SGPP2: variants seen among roughly 807,000 people sequenced by gnomAD.
SGPP2 encodes the protein sphingosine 1-phosphate phosphohydrolase 2.
A neutral mutation model predicts 33.9 loss-of-function variants in SGPP2; 30 were observed. The ratio of observed to expected loss-of-function variants is 0.89; its 90% confidence interval spans 0.66 to 1.20. The LOEUF is 1.20. Among genes scored for constraint, SGPP2 ranks in the 50% most tolerant of loss-of-function variants. The probability of loss-of-function intolerance (pLI) is 0.00; values close to 1 mark genes in which losing one functional copy is unlikely to be tolerated. For synonymous variants in SGPP2, 233 were observed against 225.0 expected (o/e 1.04, Z -0.32); for missense variants, 458 against 532.1 (o/e 0.86, Z 1.37).
Position 222,424,767 on chromosome 2 carries a change from C to T in SGPP2, c.165C>T (p.Asn55=), listed in dbSNP as rs1283402528. 2 of 1,402,384 alleles carry T rather than the reference C, an allele frequency of 1.4e-6. No individual in the cohort carries two copies. Among genetic ancestry groups the T allele is most frequent in the Admixed American group, 5.9e-5 (2 of 34,100 alleles). 86.9% of individuals were successfully genotyped at this position (1,402,384 alleles called of 1,614,324 possible). The change falls in exon 1 of 5, where the codon AAC becomes AAT. Residue 55 remains asparagine, a synonymous_variant. Coordinates refer to ENST00000321276, the MANE Select transcript of SGPP2 (RefSeq NM_152386.4). ...VPGVEHLPAA[N]GKGGEAPANG... Reference sequence around the variant, plus strand: ...GGGTCGAGCATCTCCCCGCAGCCAACGGCAAGGGCGGCGAGGCTCCGGCCA... The same window carrying T: ...GGGTCGAGCATCTCCCCGCAGCCAATGGCAAGGGCGGCGAGGCTCCGGCCA...
chr2:222,429,904 T>C (rs1697126698), intron 1 of SGPP2, among the ~76,000 whole-genome samples: 1 of 152,230 alleles, frequency 6.6e-6, no homozygotes, highest in African/African-American at 2.4e-5. Context: ...GTTAAACCTC[T>C]CTTTAATCTT....
chr2:222,447,143 C>T (rs1324967282), intron 1 of SGPP2, among the ~76,000 whole-genome samples: 1 of 152,186 alleles, frequency 6.6e-6, no homozygotes, highest in Non-Finnish European at 1.5e-5. Context: ...GCTGCTGTTG[C>T]TTCTGACATC....
At chr2:222,453,389 A>T (rs1697522667) in intron 1 of SGPP2, among the ~76,000 whole-genome samples, 1 of 152,202 alleles carries the variant, frequency 6.6e-6, no homozygotes, top group Non-Finnish European at 1.5e-5. Flanking sequence ...ATCTTAGAGA[A>T]ATATGACCTC....
Position 222,476,962 on chromosome 2 carries a change from G to C in SGPP2, c.378+2236G>C, listed in dbSNP as rs1697946178. ...AGGTGTGTATGTATGTATGTATAGTGTGTATATGTGTATATATAGGTGTGT... is the reference window on the plus strand; with the variant it reads ...AGGTGTGTATGTATGTATGTATAGTCTGTATATGTGTATATATAGGTGTGT... On this transcript the variant is annotated intron_variant, in intron 2 of 4. Transcript: ENST00000321276. The surrounding 1 kb of genome is among the most constrained non-coding windows in gnomAD (Gnocchi z 4.3). Among the ~76,000 whole-genome samples, 1 of 151,596 alleles carries C rather than the reference G, an allele frequency of 6.6e-6. No homozygotes were observed. The highest frequency in any genetic ancestry group is 2.4e-5 in the African/African-American group (1 of 41,190).
At chr2:222,427,443 G>T (rs1184788971) in intron 1 of SGPP2, among the ~76,000 whole-genome samples, 1 of 151,830 alleles carries the variant, frequency 6.6e-6, no homozygotes, top group Non-Finnish European at 1.5e-5. Flanking sequence ...TGTTGTTGTT[G>T]TTATTGTTGT....
chr2:222,503,262 G>T (rs1865894), intron 2 of SGPP2, among the ~76,000 whole-genome samples: 1 of 152,094 alleles, frequency 6.6e-6, no homozygotes, highest in African/African-American at 2.4e-5. Flanking sequence ...AAAGTCCTTC[G>T]GTTGTAGCTA....
chr2:222,502,423 T>C (rs1698381303), intron 2 of SGPP2, among the ~76,000 whole-genome samples: 2 of 152,232 alleles, frequency 1.3e-5, no homozygotes, highest in South Asian at 4.1e-4. Flanking sequence ...CAGAAGTGTT[T>C]TGGTTTTCAA....
chr2:222,515,155 C>T (rs997907424), intron 2 of SGPP2, among the ~76,000 whole-genome samples: 4 of 152,042 alleles, frequency 2.6e-5, no homozygotes, highest in Admixed American at 1.3e-4. Flanking sequence ...TTGATGTCCT[C>T]ATCCCCACTC....
intron 2 of SGPP2, among the ~76,000 whole-genome samples, chr2:222,502,484 A>G (rs1428482471): frequency 1.3e-5 from 2 of 152,236 alleles, no homozygotes; most frequent in African/African-American, 2.4e-5. Context: ...TGCATTTAGC[A>G]TTCCTAATCT....
At chr2:222,492,097 G>A (rs1307606136) in intron 2 of SGPP2, among the ~76,000 whole-genome samples, 1 of 152,140 alleles carries the variant, frequency 6.6e-6, no homozygotes, top group Non-Finnish European at 1.5e-5. Flanking sequence ...GGCATTGAGT[G>A]CCTGCAGCTT....
chr2:222,474,654 C>T lies in SGPP2; in HGVS notation c.306C>T (p.Tyr102=), dbSNP rs750388198. The T allele has an allele frequency of 8.7e-6, 14 of 1,613,754 alleles. No individual in the cohort carries two copies. The highest frequency in any genetic ancestry group is 1.1e-5 in the Non-Finnish European group (13 of 1,179,794). The part of the protein sequence containing the change: ...FSAALGQEVF[Y]ITFLPFTHWN... ...CTGCTTTGGGCCAAGAAGTGTTCTACATCACGTTTCTTCCATTCACTCACT... is the reference window on the plus strand; with the variant it reads ...CTGCTTTGGGCCAAGAAGTGTTCTATATCACGTTTCTTCCATTCACTCACT... Residue 102 remains tyrosine, a synonymous_variant, in exon 2 of 5, where the codon TAC becomes TAT. Transcript: ENST00000321276.
chr2:222,428,785 C>CTTTTTTT (rs58239129), intron 1 of SGPP2, among the ~76,000 whole-genome samples: 3 of 75,340 alleles, frequency 4.0e-5, no homozygotes, highest in African/African-American at 5.1e-5. Context: ...ACATGGTTTT[C>CTTTTTTT]TTTTTTTTTT....
intron 1 of SGPP2, among the ~76,000 whole-genome samples, chr2:222,436,937 C>A (rs575473571): frequency 6.6e-6 from 1 of 152,168 alleles, no homozygotes; most frequent in Non-Finnish European, 1.5e-5. Flanking sequence ...AGTGGAAGTC[C>A]GTGTTCCTGG....
intron 3 of SGPP2, among the ~76,000 whole-genome samples, chr2:222,524,715 T>C (rs1698731110): frequency 2.0e-5 from 3 of 152,174 alleles, no homozygotes; most frequent in South Asian, 4.1e-4. Flanking sequence ...TGCATGCTTA[T>C]ATGTTGTGAA....
intron 2 of SGPP2, among the ~76,000 whole-genome samples, chr2:222,498,627 G>C (rs2106116212): frequency 6.6e-6 from 1 of 152,084 alleles, no homozygotes; most frequent in African/African-American, 2.4e-5. Context: ...GCCAGATACT[G>C]TTCCAGACTC....
intron 1 of SGPP2, among the ~76,000 whole-genome samples, chr2:222,447,502 A>G (rs954286812): frequency 2.6e-5 from 4 of 152,200 alleles, no homozygotes; most frequent in African/African-American, 9.7e-5. Context: ...TTGTTGGGGC[A>G]GTAAAGAACC....
intron 2 of SGPP2, among the ~76,000 whole-genome samples, chr2:222,497,099 T>G (rs1698292438): frequency 6.6e-6 from 1 of 152,162 alleles, no homozygotes; most frequent in Non-Finnish European, 1.5e-5. Flanking sequence ...TTAGCCCTGA[T>G]GGAAAGTTGG....
At chr2:222,448,592 G>GAAA (rs1559146588) in intron 1 of SGPP2, among the ~76,000 whole-genome samples, 10 of 152,202 alleles carry the variant, frequency 6.6e-5, no homozygotes, top group Non-Finnish European at 1.5e-4. Context: ...CTTAATAAGC[G>GAAA]CTGTGTTGTT....
intron 2 of SGPP2, among the ~76,000 whole-genome samples, chr2:222,520,745 A>AT (rs1574874950): frequency 6.7e-6 from 1 of 149,852 alleles, no homozygotes; most frequent in Non-Finnish European, 1.5e-5. Flanking sequence ...AAAAAAAAAA[A>AT]CCCTCCATAT....
Sources: allele counts gnomAD v4.1 joint callset (sites outside exome capture counted in the v4.1 genomes callset), GRCh38; gene constraint gnomAD v4.1.1; non-coding constraint Gnocchi (gnomAD v3.1); transcripts MANE v1.5; gene names NCBI Gene and HGNC (gene_info 2026-07-23, HGNC 2026-07-21).